CDH4: variants seen among roughly 807,000 people sequenced by gnomAD.
CDH4 encodes the protein cadherin 4.
Under a neutral mutation model 86.0 loss-of-function variants are expected in CDH4, and 33 were observed. The ratio of observed to expected loss-of-function variants is 0.38; its 90% CI spans 0.29 to 0.51. The LOEUF is 0.51. Ranked by LOEUF, CDH4 falls within the 20% of genes least tolerant of loss-of-function variation. The probability of loss-of-function intolerance (pLI) is 0.86; values close to 1 mark genes in which losing one functional copy is unlikely to be tolerated. For missense variants in CDH4, 1,114 were observed against 1,307.4 expected (o/e 0.85, Z 2.28); for synonymous variants, 555 against 549.4 (o/e 1.01, Z -0.14).
chr20:61,824,812 G>A (rs1016928828), intron 4 of CDH4, among the ~76,000 whole-genome samples: 6 of 152,110 alleles, frequency 3.9e-5, no homozygotes, highest in African/African-American at 7.2e-5. Context: ...TAATAATACC[G>A]GGCCATGTGC....
intron 2 of CDH4, among the ~76,000 whole-genome samples, chr20:61,503,840 T>C (rs115069438): frequency 2.5e-3 from 376 of 152,332 alleles, no homozygotes; most frequent in African/African-American, 8.4e-3. Context: ...GACACAATTT[T>C]CTTGTGAATT....
intron 2 of CDH4, among the ~76,000 whole-genome samples, chr20:61,648,003 G>C (rs1415265995): frequency 6.6e-6 from 1 of 152,180 alleles, no homozygotes; most frequent in East Asian, 1.9e-4. Context: ...CTGACTGCTG[G>C]GTGCCAGGAC....
At chr20:61,421,118 A>T (rs1352858419) in intron 2 of CDH4, among the ~76,000 whole-genome samples, 1 of 152,158 alleles carries the variant, frequency 6.6e-6, no homozygotes, top group Non-Finnish European at 1.5e-5. Flanking sequence ...TTGCAATGGG[A>T]GCCCTTACAG....
Position 61,679,642 on chromosome 20 carries a change from C to G in CDH4, c.170-63921C>G, listed in dbSNP as rs561799749. Among the ~76,000 whole-genome samples the G allele has an allele frequency of 6.8e-4, 104 of 152,330 alleles. 1 individual carries two copies. The highest frequency in any genetic ancestry group is 2.2e-3 in the Admixed American group (34 of 15,306). On this transcript the variant is annotated intron_variant, in intron 2 of 15. Coordinates refer to ENST00000614565, the MANE Select transcript of CDH4 (RefSeq NM_001794.5). ...CATCAAGATCTGCGGGGCAGGTGAG[C>G]AGCTGCGTGGGGAGCAGGGGCCTCC...
At chr20:61,875,714 C>T in intron 7 of CDH4, among the ~76,000 whole-genome samples, 1 of 152,198 alleles carries the variant, frequency 6.6e-6, no homozygotes, top group East Asian at 1.9e-4. Flanking sequence ...CATGAACCAG[C>T]GCCCGCTCCG....
intron 2 of CDH4, among the ~76,000 whole-genome samples, chr20:61,302,486 T>TGG (rs140938021): frequency 3.2e-4 from 46 of 144,882 alleles, no homozygotes; most frequent in African/African-American, 1.0e-4. Flanking sequence ...TGGCCTGGGT[T>TGG]GGGGGGGGTC....
At chr20:61,390,118 T>C (rs1416840685) in intron 2 of CDH4, among the ~76,000 whole-genome samples, 1 of 149,706 alleles carries the variant, frequency 6.7e-6, no homozygotes, top group Non-Finnish European at 1.5e-5. Flanking sequence ...AGGGTGCCCA[T>C]AGTGCCATGT....
chr20:61,689,867 T>TC (rs1650291747), intron 2 of CDH4, among the ~76,000 whole-genome samples: 2 of 76,018 alleles, frequency 2.6e-5, no homozygotes, highest in Admixed American at 1.3e-4. Flanking sequence ...GGTGATGTGG[T>TC]ATAAGGCTGG....
intron 2 of CDH4, among the ~76,000 whole-genome samples, chr20:61,400,343 G>C (rs2085042739): frequency 6.6e-6 from 1 of 152,184 alleles, no homozygotes; most frequent in African/African-American, 2.4e-5. Flanking sequence ...TGGAAGGAAG[G>C]AAAGGAAGGA....
At chr20:61,347,762 C>T (rs995644798) in intron 2 of CDH4, among the ~76,000 whole-genome samples, 5 of 152,176 alleles carry the variant, frequency 3.3e-5, no homozygotes, top group Non-Finnish European at 5.9e-5. Flanking sequence ...TAACATTTGG[C>T]GGGGTGTGCT....
At chr20:61,682,107 G>A (rs2087521442) in intron 2 of CDH4, among the ~76,000 whole-genome samples, 1 of 152,328 alleles carries the variant, frequency 6.6e-6, no homozygotes, top group Middle Eastern at 3.4e-3. Context: ...CTACCTTCAT[G>A]GGGTGTGGGA....
At position 61,752,840 on chromosome 20, in the gene CDH4, G is replaced by A. The variant is rs922234961; in HGVS notation, c.396+9051G>A. 2.6e-5 allele frequency among the ~76,000 whole-genome samples: 4 copies of A among 152,178 alleles called. No homozygotes were observed. The East Asian group carries it at 5.8e-4, about 22-fold the overall frequency. ...AAGTCCAAATTCGGGTGGCACTGAG[G>A]TGCAGAGTTACAGTCGGTTGAGGGT... On this transcript the variant is annotated intron_variant, in intron 3 of 15. Coordinates refer to ENST00000614565, the MANE Select transcript of CDH4 (RefSeq NM_001794.5).
At position 61,310,063 on chromosome 20, in the gene CDH4, C is replaced by T. The variant is rs960941883; in HGVS notation, c.169+55126C>T. 3.3e-5 allele frequency among the ~76,000 whole-genome samples: 5 copies of T among 152,246 alleles called. No homozygotes were observed. The South Asian group carries it at 6.2e-4, about 19-fold the overall frequency. Reference sequence around the variant, plus strand: ...GGTGGCCTTGTAAAATTCCAAAGTTCGTGCCAGTTGGATGGCTTAGGTCAC... The same window carrying T: ...GGTGGCCTTGTAAAATTCCAAAGTTTGTGCCAGTTGGATGGCTTAGGTCAC... On this transcript the variant is annotated intron_variant, in intron 2 of 15. Coordinates refer to ENST00000614565, the MANE Select transcript of CDH4 (RefSeq NM_001794.5).
chr20:61,753,029 G>C (rs904797709), intron 3 of CDH4, among the ~76,000 whole-genome samples: 1 of 152,152 alleles, frequency 6.6e-6, no homozygotes, highest in Non-Finnish European at 1.5e-5. Flanking sequence ...TTAAACAAAT[G>C]CATGCAGAGG....
chr20:61,599,939 G>C (rs951782491), intron 2 of CDH4: 1 of 985,506 alleles, frequency 1.0e-6, no homozygotes, highest in Admixed American at 6.1e-5. Flanking sequence ...CCACAGGGTA[G>C]AGGAACGGCC....
intron 2 of CDH4, among the ~76,000 whole-genome samples, chr20:61,485,058 A>G (rs2085588557): frequency 2.0e-5 from 3 of 152,116 alleles, no homozygotes; most frequent in Admixed American, 2.0e-4. Context: ...ATCCCTTTCC[A>G]ACGGCAGCTT....
intron 2 of CDH4, among the ~76,000 whole-genome samples, chr20:61,309,145 G>A (rs2084432387): frequency 1.3e-5 from 2 of 152,266 alleles, no homozygotes; most frequent in Non-Finnish European, 2.9e-5. Context: ...CTGGCCCTGT[G>A]CAGCTCGGCT....
chr20:61,273,067 A>G (rs62199397), intron 2 of CDH4, among the ~76,000 whole-genome samples: 2 of 40,380 alleles, frequency 5.0e-5, no homozygotes, highest in African/African-American at 1.0e-4. Context: ...GGGGAGGACC[A>G]TGTGCAGTTT....
intron 14 of CDH4, among the ~76,000 whole-genome samples, chr20:61,933,361 C>T (rs1044220791): frequency 3.3e-5 from 5 of 152,254 alleles, no homozygotes; most frequent in African/African-American, 1.2e-4. Context: ...CTCCCATCAC[C>T]AGCCCCAGCC....
Sources: allele counts gnomAD v4.1 joint callset (sites outside exome capture counted in the v4.1 genomes callset), GRCh38; gene constraint gnomAD v4.1.1; transcripts MANE v1.5; gene names NCBI Gene and HGNC (gene_info 2026-07-23, HGNC 2026-07-21).